The following ATF7IP variants were observed in gnomAD, a reference collection of about 807,000 sequenced individuals.
ATF7IP encodes activating transcription factor 7 interacting protein.
In ATF7IP, 23 loss-of-function variants were observed where a neutral mutation model predicts 106.4. The ratio of observed to expected loss-of-function variants is 0.22; its 90% CI spans 0.16 to 0.31. ATF7IP has a LOEUF of 0.31. Among genes scored for constraint, ATF7IP ranks in the 10% least tolerant of loss-of-function variants. The pLI, the probability that ATF7IP is intolerant of heterozygous loss-of-function variation, is 1.00. For missense variants in ATF7IP, 1,334 were observed against 1,524.3 expected, an observed-to-expected ratio of 0.88 and a Z score of 2.08; for synonymous variants, 542 against 539.0, an observed-to-expected ratio of 1.01 and a Z score of -0.08.
At chr12:14,388,159 C>T (rs1939348374) in intron 1 of ATF7IP, among the ~76,000 whole-genome samples, 1 of 151,858 alleles carries the variant, frequency 6.6e-6, no homozygotes, top group African/African-American at 2.4e-5. Context: ...AAGCCATTCT[C>T]CTGTCTCAGC....
chr12:14,447,847 A>T (rs963593678), intron 6 of ATF7IP, among the ~76,000 whole-genome samples: 3 of 152,178 alleles, frequency 2.0e-5, no homozygotes, highest in African/African-American at 7.2e-5. Flanking sequence ...TGACTTAAAC[A>T]GTTTGAATAT....
At chr12:14,484,594 T>G (rs946731028) in intron 13 of ATF7IP, among the ~76,000 whole-genome samples, 4 of 152,160 alleles carry the variant, frequency 2.6e-5, no homozygotes, top group African/African-American at 9.7e-5. Flanking sequence ...AGCTGTGCAC[T>G]TTACAGTGGT....
Position 14,446,979 on chromosome 12 carries a change from T to TC in ATF7IP, c.1930-9_1930-8insC. The TC allele has an allele frequency of 6.4e-7, 1 of 1,558,520 alleles. No homozygotes were observed. The highest frequency in any genetic ancestry group is 8.6e-7 in the Non-Finnish European group (1 of 1,159,980). On this transcript the variant is annotated splice_polypyrimidine_tract_variant and intron_variant, in intron 5 of 14. Coordinates refer to ENST00000261168, the MANE Select transcript of ATF7IP (RefSeq NM_018179.5). ...TTCCATTCATTTTTGTCTTTTTTTTTTTTTTCAGGCCAAGATAGCCAGGTT... is the reference window on the plus strand; with the variant it reads ...TTCCATTCATTTTTGTCTTTTTTTTTCTTTTTCAGGCCAAGATAGCCAGGTT...
intron 8 of ATF7IP, among the ~76,000 whole-genome samples, chr12:14,458,891 C>A (rs1275462951): frequency 6.6e-6 from 1 of 151,588 alleles, no homozygotes; most frequent in Non-Finnish European, 1.5e-5. Flanking sequence ...ATTCATTGAT[C>A]ATTTGAAAAC....
At position 14,497,856 on chromosome 12, in the gene ATF7IP, A is replaced by G. The variant is rs1945059156; in HGVS notation, c.3596A>G (p.Tyr1199Cys). 2 of 1,614,098 alleles carry G rather than the reference A, an allele frequency of 1.2e-6. No individual in the cohort carries two copies. Among genetic ancestry groups the G allele is most frequent in the Non-Finnish European group, 1.7e-6 (2 of 1,180,006 alleles). Residue 1199 changes from tyrosine to cysteine, a missense_variant, in exon 15 of 15, where the codon TAT becomes TGT. By Grantham distance (194) the Tyr-to-Cys change is radical. Around this residue, in one of 10 missense-constraint regions of ATF7IP, gnomAD observed 80 missense variants for 157.0 expected, o/e 0.51. Transcript: ENST00000261168. ...SCATVDSYHLYAYHEEPSATV... is the reference protein window; with the variant it reads ...SCATVDSYHLCAYHEEPSATV... ...GCCACTGTTGATAGCTACCATCTCTATGCTTACCATGAGGAACCCAGTGCC... is the reference window on the plus strand; with the variant it reads ...GCCACTGTTGATAGCTACCATCTCTGTGCTTACCATGAGGAACCCAGTGCC...
intron 3 of ATF7IP, among the ~76,000 whole-genome samples, chr12:14,435,878 A>G (rs1450135586): frequency 6.6e-6 from 1 of 152,222 alleles, no homozygotes; most frequent in Non-Finnish European, 1.5e-5. Flanking sequence ...TTCTGTGTTC[A>G]CAGTGTGCAT....
chr12:14,416,341 A>G (rs1941205613), intron 1 of ATF7IP, among the ~76,000 whole-genome samples: 1 of 152,198 alleles, frequency 6.6e-6, no homozygotes, highest in Admixed American at 6.5e-5. Context: ...AGAAAAATGA[A>G]TGAAATTTTT....
chr12:14,416,999 G>C, intron 1 of ATF7IP: 126 of 918,652 alleles, frequency 1.4e-4, no homozygotes, highest in Middle Eastern at 5.7e-4. Flanking sequence ...GGGAAATGAG[G>C]TTTATTTTTA....
intron 10 of ATF7IP, among the ~76,000 whole-genome samples, chr12:14,467,883 G>A (rs988021786): frequency 2.0e-5 from 3 of 151,984 alleles, no homozygotes; most frequent in Non-Finnish European, 4.4e-5. Context: ...AATGGCTAGT[G>A]GCTAGCATAT....
At chr12:14,425,556 T>A in intron 2 of ATF7IP, 83 bp downstream of exon 2, 2 of 1,345,758 alleles carry the variant, frequency 1.5e-6, no homozygotes, top group Non-Finnish European at 9.8e-7. Flanking sequence ...TGTTTTAAAT[T>A]TATTTTAGCT....
At chr12:14,378,201 G>T (rs1362772174) in intron 1 of ATF7IP, among the ~76,000 whole-genome samples, 2 of 151,176 alleles carry the variant, frequency 1.3e-5, no homozygotes, top group East Asian at 1.9e-4. Context: ...GGGTTCAAGC[G>T]ATTCTCCTGC....
chr12:14,425,029 G>C lies in ATF7IP; in HGVS notation c.1114G>C (p.Glu372Gln), dbSNP rs1941763580. Reference protein sequence around the residue: ...DRPPENEKKVEEDIITELALG... With the variant: ...DRPPENEKKVQEDIITELALG... ...ACCTCCTGAAAATGAAAAGAAGGTA[G>C]AGGAAGATATTATCACAGAGCTTGC... Residue 372 changes from glutamate (E) to glutamine (Q), a missense_variant, in exon 2 of 15, where the codon GAG (glutamate) becomes CAG (glutamine). Physicochemically the swap from Glu to Gln is conservative, Grantham distance 29. This residue lies in a region of ATF7IP where 438 missense variants were observed against 405.3 expected (regional missense o/e 1.08). Coordinates refer to ENST00000261168, the MANE Select transcript of ATF7IP (RefSeq NM_018179.5). The C allele has an allele frequency of 6.8e-6, 11 of 1,611,220 alleles. No homozygotes were observed. Among genetic ancestry groups the C allele is most frequent in the Non-Finnish European group, 9.3e-6 (11 of 1,179,314 alleles).
intron 1 of ATF7IP, among the ~76,000 whole-genome samples, chr12:14,406,175 T>G (rs576151657): frequency 6.6e-6 from 1 of 152,324 alleles, no homozygotes; most frequent in East Asian, 1.9e-4. Flanking sequence ...GTCAGCTCAC[T>G]GCAACCTCAG....
intron 1 of ATF7IP, among the ~76,000 whole-genome samples, chr12:14,398,949 G>A (rs1162812097): frequency 6.6e-6 from 1 of 151,876 alleles, no homozygotes; most frequent in Non-Finnish European, 1.5e-5. Flanking sequence ...TGTTTTACAC[G>A]CTTGAAACCC....
chr12:14,458,961 A>T (rs1031828853), intron 8 of ATF7IP, among the ~76,000 whole-genome samples: 2 of 152,192 alleles, frequency 1.3e-5, no homozygotes, highest in Non-Finnish European at 2.9e-5. Context: ...TATTATTTTT[A>T]AAAATTACAT....
At chr12:14,476,832 G>T (rs1216631397) in intron 11 of ATF7IP, among the ~76,000 whole-genome samples, 1 of 152,134 alleles carries the variant, frequency 6.6e-6, no homozygotes, top group Non-Finnish European at 1.5e-5. Flanking sequence ...ATAATGTTCT[G>T]AGTTATAATA....
At chr12:14,385,351 GGCA>G (rs1282486682) in intron 1 of ATF7IP, 1 of 1,529,500 alleles carries the variant, frequency 6.5e-7, no homozygotes, top group African/African-American at 1.4e-5. Context: ...TAGCTGCTTA[GGCA>G]GCAAGTATGT....
chr12:14,390,852 C>G (rs1433741312), intron 1 of ATF7IP, among the ~76,000 whole-genome samples: 1 of 152,240 alleles, frequency 6.6e-6, no homozygotes, highest in Non-Finnish European at 1.5e-5. Flanking sequence ...CTTGATCTGA[C>G]TTAAATTTGA....
chr12:14,456,170 T>C (rs951119910), intron 6 of ATF7IP, among the ~76,000 whole-genome samples: 3 of 152,218 alleles, frequency 2.0e-5, no homozygotes, highest in African/African-American at 7.2e-5. Context: ...TGATGCCTGC[T>C]ACATAGTAGG....
Sources: allele counts gnomAD v4.1 joint callset (sites outside exome capture counted in the v4.1 genomes callset), GRCh38; gene constraint gnomAD v4.1.1; regional missense constraint gnomAD v4.1.1; transcripts MANE v1.5; gene names NCBI Gene and HGNC (gene_info 2026-07-23, HGNC 2026-07-21).